Variants in ZNF140 observed in about 807,000 individuals in gnomAD.
ZNF140 encodes zinc finger protein 140 (clone pHZ-39).
A neutral mutation model predicts 12.9 loss-of-function variants in ZNF140; 13 were observed. That is an observed-to-expected ratio of 1.01 (90% confidence interval 0.66 to 1.60). ZNF140 has a LOEUF of 1.60. ZNF140 is among the 40% of genes most tolerant of loss of function. The pLI, the probability that ZNF140 is intolerant of heterozygous loss-of-function variation, is 0.00. For missense variants in ZNF140, 531 were observed against 548.8 expected, an observed-to-expected ratio of 0.97 and a Z score of 0.32; for synonymous variants, 214 against 186.7, an observed-to-expected ratio of 1.15 and a Z score of -1.19.
chr12:133,103,752 A>G (rs911230363), intron 4 of ZNF140, among the ~76,000 whole-genome samples: 25 of 152,062 alleles, frequency 1.6e-4, no homozygotes, highest in African/African-American at 6.0e-4. Flanking sequence ...CTTGTGTCTT[A>G]TATCAATATT....
chr12:133,087,692 GCTT>G (rs1954719483), intron 4 of ZNF140, among the ~76,000 whole-genome samples: 1 of 152,152 alleles, frequency 6.6e-6, no homozygotes, highest in Admixed American at 6.5e-5. Flanking sequence ...TACCTGCACA[GCTT>G]CTTAAAATTT....
intron 4 of ZNF140, among the ~76,000 whole-genome samples, chr12:133,089,037 C>G (rs1954770589): frequency 6.6e-6 from 1 of 151,864 alleles, no homozygotes; most frequent in East Asian, 1.9e-4. Flanking sequence ...CTTATAATTC[C>G]TTTGGTTTTG....
chr12:133,083,299 T>A, intron 3 of ZNF140, 70 bp downstream of exon 3: 1 of 1,559,300 alleles, frequency 6.4e-7, no homozygotes, highest in South Asian at 1.2e-5. Context: ...ATTATCTGGC[T>A]GAATATTCCC....
intron 4 of ZNF140, among the ~76,000 whole-genome samples, chr12:133,085,286 G>A (rs2137490218): frequency 6.6e-6 from 1 of 152,314 alleles, no homozygotes; most frequent in Admixed American, 6.5e-5. Context: ...GCCTCCCAAA[G>A]TGCTGGGATT....
At position 133,102,609 on chromosome 12, in the gene ZNF140, C is replaced by T. The variant is rs372368821; in HGVS notation, c.233-2901C>T. Among the ~76,000 whole-genome samples the T allele has an allele frequency of 2.1e-4, 32 of 151,990 alleles. No homozygotes were observed. The East Asian group carries it at 2.7e-3, about 13-fold the overall frequency. On this transcript the variant is annotated intron_variant, in intron 4 of 4. Transcript: ENST00000355557. ...TAAATAAAATAAACCATTAGCCAGG[C>T]GTGGCAGCGTGTGCCTGTAGTCCCA...
chr12:133,105,148 T>G (rs1955543041), intron 4 of ZNF140, among the ~76,000 whole-genome samples: 1 of 152,222 alleles, frequency 6.6e-6, no homozygotes, highest in African/African-American at 2.4e-5. Context: ...TGACGAACAC[T>G]TAGTGTTTAG....
In ZNF140 at chr12:133,090,854, G is replaced by A. The variant is rs1418255116; in HGVS notation, c.232+7293G>A. Among the ~76,000 whole-genome samples, 28 of 129,764 alleles carry A rather than the reference G, an allele frequency of 2.2e-4. 1 individual carries two copies. The highest frequency in any genetic ancestry group is 3.1e-4 in the Non-Finnish European group (18 of 57,474). The allele number at this position is 129,764 out of a possible 152,430, so 85.1% of individuals were successfully genotyped here. On this transcript the variant is annotated intron_variant, in intron 4 of 4. Transcript: ENST00000355557. Reference sequence around the variant, plus strand: ...AAGGGAAGGTACTATGCCTAGATGTGCATGTAATCCAGATTTATGTTTCTC... The same window carrying A: ...AAGGGAAGGTACTATGCCTAGATGTACATGTAATCCAGATTTATGTTTCTC...
chr12:133,088,064 A>C (rs955730077), intron 4 of ZNF140, among the ~76,000 whole-genome samples: 56 of 148,962 alleles, frequency 3.8e-4, no homozygotes, highest in African/African-American at 1.3e-3. Flanking sequence ...CAGGAGGCAG[A>C]GGGTGCAGTA....
At chr12:133,104,272 G>A (rs2137582117) in intron 4 of ZNF140, among the ~76,000 whole-genome samples, 2 of 152,122 alleles carry the variant, frequency 1.3e-5, no homozygotes, top group Middle Eastern at 6.8e-3. Context: ...TGAAACATTT[G>A]AGAATAAGTT....
chr12:133,095,816 C>A (rs902633985), intron 4 of ZNF140, among the ~76,000 whole-genome samples: 1 of 151,960 alleles, frequency 6.6e-6, no homozygotes, highest in Non-Finnish European at 1.5e-5. Context: ...ATGTTTCTCT[C>A]CACCCAAACA....
intron 4 of ZNF140, among the ~76,000 whole-genome samples, chr12:133,099,836 A>G (rs1180244042): frequency 6.6e-6 from 1 of 152,100 alleles, no homozygotes; most frequent in East Asian, 1.9e-4. Flanking sequence ...TGTACTGGCA[A>G]CAAATTCCTT....
Position 133,082,925 on chromosome 12 carries a change from A to G in ZNF140, c.10-178A>G, listed in dbSNP as rs1280469600. 3.7e-6 allele frequency: 3 copies of G among 807,410 alleles called. No homozygotes were observed. In the Admixed American group the frequency reaches 8.8e-5, roughly 24 times the overall value. The allele number at this position is 807,410 out of a possible 1,614,324, so 50.0% of individuals were successfully genotyped here. ...TATGTTTTTCTCCTTTTCTCCAGTT[A>G]TACAACAAAACACAAGAGCTAGGCT... On this transcript the variant is annotated intron_variant, in intron 2 of 4. Coordinates refer to ENST00000355557, the MANE Select transcript of ZNF140 (RefSeq NM_003440.4).
In ZNF140 at chr12:133,106,516, T is replaced by C. The variant is rs556719221; in HGVS notation, c.1239T>C (p.Tyr413=). The C allele has an allele frequency of 9.1e-5, 147 of 1,614,068 alleles. No individual in the cohort carries two copies. Among genetic ancestry groups the C allele is most frequent in the Non-Finnish European group, 1.2e-4 (142 of 1,180,004 alleles). ...GAACTCATACTGGAGAGAAACCCTA[T>C]GTATGTAAGGTATGCAACAAATCCT... ...HQRTHTGEKP[Y]VCKVCNKSFS... The change falls in exon 5 of 5, where the codon TAT becomes TAC. Residue 413 remains tyrosine, a synonymous_variant. Coordinates refer to ENST00000355557, the MANE Select transcript of ZNF140 (RefSeq NM_003440.4).
rs1955564257 is a variant in ZNF140, at chr12:133,105,621, C to T, written c.344C>T (p.Ser115Phe). 5 of 1,614,058 alleles carry T rather than the reference C, an allele frequency of 3.1e-6. No homozygotes were observed. Among genetic ancestry groups the T allele is most frequent in the Non-Finnish European group, 4.2e-6 (5 of 1,180,022 alleles). The change falls in exon 5 of 5, where the codon TCC becomes TTC. Residue 115 changes from serine (S) to phenylalanine (F), a missense_variant. Transcript: ENST00000355557. ...ATTCTAAGTCAAGGCCCTGTGTATTCCAGTTTTAAAGGAGGCTGGAAATGC... is the reference window on the plus strand; with the variant it reads ...ATTCTAAGTCAAGGCCCTGTGTATTTCAGTTTTAAAGGAGGCTGGAAATGC... ...ERILSQGPVY[S>F]SFKGGWKCKD... is the part of the protein sequence containing the mutation.
At chr12:133,100,024 C>T (rs1955279558) in intron 4 of ZNF140, among the ~76,000 whole-genome samples, 1 of 151,624 alleles carries the variant, frequency 6.6e-6, no homozygotes, top group Non-Finnish European at 1.5e-5. Flanking sequence ...GTACGGTAAT[C>T]CTCCCCTATC....
intron 3 of ZNF140, 65 bp from the exon 4 acceptor site, chr12:133,083,401 T>A: frequency 1.3e-6 from 2 of 1,559,020 alleles, no homozygotes; most frequent in South Asian, 2.4e-5. Flanking sequence ...CATCTGACAT[T>A]TCCTTTGTGG....
At chr12:133,087,378 A>G (rs1954709396) in intron 4 of ZNF140, among the ~76,000 whole-genome samples, 1 of 152,126 alleles carries the variant, frequency 6.6e-6, no homozygotes, top group African/African-American at 2.4e-5. Context: ...TCTCTGTGGG[A>G]TACGAATATA....
intron 4 of ZNF140, among the ~76,000 whole-genome samples, chr12:133,095,750 T>A (rs981898921): frequency 1.3e-5 from 2 of 151,274 alleles, no homozygotes; most frequent in African/African-American, 4.9e-5. Flanking sequence ...AGAATCTATG[T>A]CATAATTAGG....
At chr12:133,104,377 A>T in intron 4 of ZNF140, among the ~76,000 whole-genome samples, 1 of 145,276 alleles carries the variant, frequency 6.9e-6, no homozygotes. Flanking sequence ...TTTGAGACAG[A>T]CTCTCGCTCT....
Sources: gnomAD v4.1 joint callset for allele counts (sites outside exome capture counted in the v4.1 genomes callset) on GRCh38, gnomAD v4.1.1 for gene constraint, MANE v1.5 for transcripts, NCBI Gene and HGNC (gene_info 2026-07-23, HGNC 2026-07-21) for gene names.